Variants in TP53RK observed in about 807,000 individuals in gnomAD.
The protein encoded by TP53RK is EKC/KEOPS complex subunit TP53RK.
TP53RK carries 17 observed loss-of-function variants against 14.9 expected under a neutral mutation model. The observed-to-expected ratio is 1.14, with a 90% CI of 0.78 to 1.71. TP53RK has a LOEUF of 1.71. Ranked by LOEUF, TP53RK falls within the 40% of genes most tolerant of loss-of-function variation. The pLI is 0.00. For synonymous variants in TP53RK, 131 were observed against 138.0 expected, an observed-to-expected ratio of 0.95 and a Z score of 0.36; for missense variants, 343 against 332.0, an observed-to-expected ratio of 1.03 and a Z score of -0.26.
chr20:46,688,407 A>T (rs1400337658), intron 1 of TP53RK, among the ~76,000 whole-genome samples: 1 of 152,266 alleles, frequency 6.6e-6, no homozygotes, highest in Non-Finnish European at 1.5e-5. Flanking sequence ...TGGACCGGCC[A>T]CTTAGTAACC....
rs952651154 is a variant in TP53RK at position 46,686,508 on chromosome 20, A to T, written c.*245T>A. On this transcript the variant is annotated 3_prime_UTR_variant, in exon 2 of 2. Coordinates refer to ENST00000372114, the MANE Select transcript of TP53RK (RefSeq NM_033550.4). ...GTTCAATGCCACACCCATGTATCTG[A>T]GATATACATGTCACAATCTGGGAGA... is the stretch of plus-strand genomic sequence containing the variant. 1.9e-6 allele frequency: 1 copy of T among 516,210 alleles called. No individual in the cohort carries two copies. The highest frequency in any genetic ancestry group is 3.5e-6 in the Non-Finnish European group (1 of 287,972). The allele number at this position is 516,210 out of a possible 1,614,324, so 32.0% of individuals were successfully genotyped here. A position where few individuals can be genotyped will look rare whatever the true frequency, so the allele number is the denominator to read the frequency against.
rs2063194955 is a variant in TP53RK, at chr20:46,689,112, G to A, written c.283+20C>T. The stretch of plus-strand genomic sequence containing the variant: ...CCAGAGCCTCGGGGCCGCCCACGCC[G>A]GGATCCCGGCCCACCTTACCAGCGC... On this transcript the variant is annotated intron_variant, in intron 1 of 1. Transcript: ENST00000372114. 2 of 1,363,952 alleles carry A rather than the reference G, an allele frequency of 1.5e-6. No individual in the cohort carries two copies. The highest frequency in any genetic ancestry group is 1.8e-5 in the South Asian group (1 of 56,818). The allele number at this position is 1,363,952 out of a possible 1,614,324, so 84.5% of individuals were successfully genotyped here.
chr20:46,689,194 G>T lies in TP53RK; in HGVS notation c.221C>A (p.Ala74Glu). 1 of 1,521,540 alleles carries T rather than the reference G, an allele frequency of 6.6e-7. No homozygotes were observed. Among genetic ancestry groups the T allele is most frequent in the Non-Finnish European group, 8.8e-7 (1 of 1,141,342 alleles). The allele number at this position is 1,521,540 out of a possible 1,614,324, so 94.3% of individuals were successfully genotyped here. ...PKGYRHPALE[A>E]RLGRRRTVQE... ...CACCGTCCGCCGTCTGCCAAGCCGC[G>T]CCTCCAGCGCCGGGTGCCGGTAGCC... The change falls in exon 1 of 2, where the codon GCG becomes GAG. Residue 74 changes from alanine (A) to glutamate (E), a missense_variant. Physicochemically the swap from Ala to Glu is moderately radical, Grantham distance 107. Transcript: ENST00000372114.
At position 46,687,362 on chromosome 20, in the gene TP53RK, G is replaced by A. The variant is rs1412740937; in HGVS notation, c.284-131C>T. Reference sequence around the variant, plus strand: ...ACTATTGAGGAATGCTACAGGAAATGGTACAACTGAACTCATCTGGAATAT... The same window carrying A: ...ACTATTGAGGAATGCTACAGGAAATAGTACAACTGAACTCATCTGGAATAT... On this transcript the variant is annotated intron_variant, in intron 1 of 1. Transcript: ENST00000372114. 4 of 831,276 alleles carry A rather than the reference G, an allele frequency of 4.8e-6. No individual in the cohort carries two copies. The African/African-American group carries it at 6.8e-5, about 14-fold the overall frequency. The allele number at this position is 831,276 out of a possible 1,614,324, so 51.5% of individuals were successfully genotyped here. A position where few individuals can be genotyped will look rare whatever the true frequency, so the allele number is the denominator to read the frequency against.
Position 46,686,840 on chromosome 20 carries a change from G to A in TP53RK, c.675C>T (p.Tyr225=), listed in dbSNP as rs753191005. 4.3e-6 allele frequency: 7 copies of A among 1,614,084 alleles called. No homozygotes were observed. The highest frequency in any genetic ancestry group is 1.6e-4 in the Middle Eastern group (1 of 6,084). ...ETVFEAFLKS[Y]STSSKKARPV... ...GCCTGGCCTTTTTGGAGGAGGTGGAGTAGCTCTTCAGAAAGGCTTCAAACA... is the reference window on the plus strand; with the variant it reads ...GCCTGGCCTTTTTGGAGGAGGTGGAATAGCTCTTCAGAAAGGCTTCAAACA... Residue 225 remains tyrosine (Y), a synonymous_variant, in exon 2 of 2, where the codon TAC becomes TAT. Coordinates refer to ENST00000372114, the MANE Select transcript of TP53RK (RefSeq NM_033550.4).
In TP53RK at chr20:46,686,738, G is replaced by A; in HGVS notation, c.*15C>T. On this transcript the variant is annotated 3_prime_UTR_variant, in exon 2 of 2. Coordinates refer to ENST00000372114, the MANE Select transcript of TP53RK (RefSeq NM_033550.4). ...AAAAAGAGCTTCACTGTGTGTGGTT[G>A]TCATACACATTCTTCTACCCAACCA... The A allele has an allele frequency of 6.3e-7, 1 of 1,588,394 alleles. No individual in the cohort carries two copies. The highest frequency in any genetic ancestry group is 8.6e-7 in the Non-Finnish European group (1 of 1,157,732).
chr20:46,686,929 T>C lies in TP53RK; in HGVS notation c.586A>G (p.Lys196Glu). ...TCCAGGACATAGAGGTCTACTCCCT[T>C]ATCCTCTGGAAGTGCTGAAATGAAA... ...LSFISALPED[K>E]GVDLYVLEKA... The change falls in exon 2 of 2, where the codon AAG becomes GAG. Residue 196 changes from lysine to glutamate, a missense_variant. By Grantham distance (56) the Lys-to-Glu change is moderately conservative. Coordinates refer to ENST00000372114, the MANE Select transcript of TP53RK (RefSeq NM_033550.4). 1 of 1,614,172 alleles carries C rather than the reference T, an allele frequency of 6.2e-7. No homozygotes were observed. The highest frequency in any genetic ancestry group is 8.5e-7 in the Non-Finnish European group (1 of 1,180,024).
rs1436819015 is a variant in TP53RK, at chr20:46,686,588, C to T, written c.*165G>A. 9.1e-6 allele frequency: 6 copies of T among 661,412 alleles called. No homozygotes were observed. The highest frequency in any genetic ancestry group is 1.6e-5 in the Non-Finnish European group (6 of 383,756). 41.0% of individuals were successfully genotyped at this position (661,412 alleles called of 1,614,324 possible). A position where few individuals can be genotyped will look rare whatever the true frequency, so the allele number is the denominator to read the frequency against. ...AATTCTGCCTAGAACATGACTTAGA[C>T]ACATAGTAAGCTCTTGAGTGAAGTG... On this transcript the variant is annotated 3_prime_UTR_variant, in exon 2 of 2. Transcript: ENST00000372114.
Position 46,689,162 on chromosome 20 carries a change from C to T in TP53RK, c.253G>A (p.Ala85Thr). Residue 85 changes from alanine (A) to threonine (T), a missense_variant, in exon 1 of 2, where the codon GCC becomes ACC. Ala to Thr is a moderately conservative substitution (Grantham distance 58). Coordinates refer to ENST00000372114, the MANE Select transcript of TP53RK (RefSeq NM_033550.4). The stretch of plus-strand genomic sequence containing the variant: ...CGGCGACAGCGGAGGAGCGCCCGGG[C>T]CTCCTGCACCGTCCGCCGTCTGCCA... Reference protein sequence around the residue: ...RLGRRRTVQEARALLRCRRAG... With the variant: ...RLGRRRTVQETRALLRCRRAG... 1.4e-6 allele frequency: 2 copies of T among 1,444,392 alleles called. No homozygotes were observed. The highest frequency in any genetic ancestry group is 2.8e-5 in the South Asian group (2 of 72,384). The allele number at this position is 1,444,392 out of a possible 1,614,324, so 89.5% of individuals were successfully genotyped here.
At chr20:46,689,060 C>T (rs1246035208) in intron 1 of TP53RK, 72 bp downstream of exon 1, 1 of 1,319,496 alleles carries the variant, frequency 7.6e-7, no homozygotes, top group Non-Finnish European at 9.7e-7. Flanking sequence ...CTTCGGAGCG[C>T]AGGGGAGTCC....
intron 1 of TP53RK, 70 bp downstream of exon 1, chr20:46,689,062 G>A (rs781139051): frequency 9.1e-6 from 12 of 1,323,044 alleles, no homozygotes; most frequent in Non-Finnish European, 1.2e-5. Context: ...TCGGAGCGCA[G>A]GGGAGTCCCT....
At chr20:46,688,490 G>A (rs974940994) in intron 1 of TP53RK, among the ~76,000 whole-genome samples, 78 of 152,226 alleles carry the variant, frequency 5.1e-4, no homozygotes, top group African/African-American at 1.5e-3. Flanking sequence ...TGGTGCTGGC[G>A]CACAATGATG....
At chr20:46,688,070 T>C (rs546835642) in intron 1 of TP53RK, among the ~76,000 whole-genome samples, 5 of 152,358 alleles carry the variant, frequency 3.3e-5, no homozygotes, top group South Asian at 2.1e-4. Context: ...CCAGGCTCAG[T>C]ATACTTTTCT....
At position 46,689,162 on chromosome 20, in the gene TP53RK, C is replaced by A; in HGVS notation, c.253G>T (p.Ala85Ser). The A allele has an allele frequency of 2.1e-6, 3 of 1,444,388 alleles. No individual in the cohort carries two copies. The highest frequency in any genetic ancestry group is 2.7e-6 in the Non-Finnish European group (3 of 1,104,212). 89.5% of individuals were successfully genotyped at this position (1,444,388 alleles called of 1,614,324 possible). ...CGGCGACAGCGGAGGAGCGCCCGGG[C>A]CTCCTGCACCGTCCGCCGTCTGCCA... ...RLGRRRTVQE[A>S]RALLRCRRAG... The change falls in exon 1 of 2, where the codon GCC becomes TCC. Residue 85 changes from alanine to serine, a missense_variant. By Grantham distance (99) the Ala-to-Ser change is moderately conservative (BLOSUM62 1). Coordinates refer to ENST00000372114, the MANE Select transcript of TP53RK (RefSeq NM_033550.4).
Position 46,689,154 on chromosome 20 carries a change from C to A in TP53RK, c.261G>T (p.Ala87=). Residue 87 remains alanine (A), a synonymous_variant, in exon 1 of 2, where the codon GCG becomes GCT. Coordinates refer to ENST00000372114, the MANE Select transcript of TP53RK (RefSeq NM_033550.4). ...GRRRTVQEAR[A]LLRCRRAGIS... is the part of the protein sequence containing the mutation. ...TACCAGCGCGGCGACAGCGGAGGAG[C>A]GCCCGGGCCTCCTGCACCGTCCGCC... 7.1e-7 allele frequency: 1 copy of A among 1,418,050 alleles called. No individual in the cohort carries two copies. The highest frequency in any genetic ancestry group is 1.5e-5 in the South Asian group (1 of 67,474). 87.8% of individuals were successfully genotyped at this position (1,418,050 alleles called of 1,614,324 possible).
Position 46,689,342 on chromosome 20 carries a change from C to T in TP53RK, c.73G>A (p.Ala25Thr). 1.3e-6 allele frequency: 2 copies of T among 1,567,812 alleles called. No individual in the cohort carries two copies. The highest frequency in any genetic ancestry group is 1.7e-6 in the Non-Finnish European group (2 of 1,166,328). ...PAPEAEALAAARERSSRFLSG... is the reference protein window; with the variant it reads ...PAPEAEALAATRERSSRFLSG... ...AAGAAGCGGCTGCTCCGCTCCCGGGCTGCGGCCAGAGCCTCAGCCTCCGGG... is the reference window on the plus strand; with the variant it reads ...AAGAAGCGGCTGCTCCGCTCCCGGGTTGCGGCCAGAGCCTCAGCCTCCGGG... Residue 25 changes from alanine to threonine, a missense_variant, in exon 1 of 2, where the codon GCC (alanine) becomes ACC (threonine). Transcript: ENST00000372114.
chr20:46,687,387 T>C (rs1257287564), intron 1 of TP53RK, among the ~76,000 whole-genome samples, 156 bp from the exon 2 acceptor site: 1 of 152,184 alleles, frequency 6.6e-6, no homozygotes, highest in Non-Finnish European at 1.5e-5. Flanking sequence ...ATCTGGAATA[T>C]TCCCCTGCTC....
At position 46,686,748 on chromosome 20, in the gene TP53RK, T is replaced by C; in HGVS notation, c.*5A>G. The stretch of plus-strand genomic sequence containing the variant: ...TCACTGTGTGTGGTTGTCATACACA[T>C]TCTTCTACCCAACCATGGACCTCTT... On this transcript the variant is annotated 3_prime_UTR_variant, in exon 2 of 2. Coordinates refer to ENST00000372114, the MANE Select transcript of TP53RK (RefSeq NM_033550.4). The C allele has an allele frequency of 6.2e-7, 1 of 1,607,436 alleles. No individual in the cohort carries two copies. Among genetic ancestry groups the C allele is most frequent in the Non-Finnish European group, 8.5e-7 (1 of 1,174,498 alleles).
At position 46,687,148 on chromosome 20, in the gene TP53RK, G is replaced by A. The variant is rs1211533115; in HGVS notation, c.367C>T (p.Arg123Ter). 12 of 1,613,944 alleles carry A rather than the reference G, an allele frequency of 7.4e-6. No individual in the cohort carries two copies. The highest frequency in any genetic ancestry group is 3.3e-5 in the Admixed American group (2 of 59,982). Residue 123 changes from arginine (R) to a stop codon, truncating the protein, a stop_gained, in exon 2 of 2, where the codon CGA (arginine) becomes TGA (stop). Coordinates refer to ENST00000372114, the MANE Select transcript of TP53RK (RefSeq NM_033550.4). LOFTEE classifies it high-confidence loss of function. Reference protein sequence around the residue: ...MEEIEGSVTVRDYIQSTMETE... With the variant: ...MEEIEGSVTV ...TCCATAGTGGACTGAATATAATCTC[G>A]AACAGTCACTGAGCCTTCAATTTCT...
Sources: allele counts gnomAD v4.1 joint callset (sites outside exome capture counted in the v4.1 genomes callset), GRCh38; gene constraint gnomAD v4.1.1; transcripts MANE v1.5; gene names NCBI Gene and HGNC (gene_info 2026-07-23, HGNC 2026-07-21).